KIF16B: variants seen among roughly 807,000 people sequenced by gnomAD.
KIF16B encodes kinesin family member 16B, also known as kinesin-like protein KIF16B.
KIF16B carries 98 observed loss-of-function variants against 156.3 expected under a neutral mutation model. The ratio of observed to expected loss-of-function variants is 0.63; its 90% CI spans 0.53 to 0.74. The LOEUF is 0.74. Among genes scored for constraint, KIF16B ranks in the 30% least tolerant of loss-of-function variants. The pLI is 0.00. For missense variants in KIF16B, 1,421 were observed against 1,606.5 expected, an observed-to-expected ratio of 0.88 and a Z score of 1.97; for synonymous variants, 564 against 583.7, an observed-to-expected ratio of 0.97 and a Z score of 0.49.
chr20:16,420,921 C>T (rs1019355001), intron 15 of KIF16B, among the ~76,000 whole-genome samples: 6 of 151,980 alleles, frequency 3.9e-5, no homozygotes, highest in Admixed American at 6.6e-5. Flanking sequence ...AGAGAGCTAA[C>T]GAGATGAAAT....
chr20:16,357,672 A>G (rs1394926026), intron 22 of KIF16B, among the ~76,000 whole-genome samples: 1 of 152,206 alleles, frequency 6.6e-6, no homozygotes, highest in African/African-American at 2.4e-5. Context: ...GAGAGTGTCA[A>G]CTTAGCTGTG....
chr20:16,313,757 G>T (rs987580542), intron 24 of KIF16B, among the ~76,000 whole-genome samples: 1 of 152,124 alleles, frequency 6.6e-6, no homozygotes, highest in African/African-American at 2.4e-5. Flanking sequence ...GTTGTTATGC[G>T]TAGCAATAGT....
chr20:16,341,544 T>G (rs902093537), intron 23 of KIF16B, among the ~76,000 whole-genome samples: 2 of 152,236 alleles, frequency 1.3e-5, no homozygotes, highest in Non-Finnish European at 2.9e-5. Context: ...GTAGTGATTT[T>G]TGCCTCTTAC....
chr20:16,295,541 T>C (rs1224441532), intron 25 of KIF16B, among the ~76,000 whole-genome samples: 4 of 150,142 alleles, frequency 2.7e-5, no homozygotes, highest in Non-Finnish European at 1.5e-5. Flanking sequence ...TATATTTATA[T>C]AATTATATCT....
chr20:16,317,036 C>T (rs1321052045), intron 24 of KIF16B, among the ~76,000 whole-genome samples: 1 of 152,198 alleles, frequency 6.6e-6, no homozygotes, highest in East Asian at 1.9e-4. Context: ...GACCTCTCTA[C>T]TCATGTCCCC....
At chr20:16,326,967 T>C (rs2063861737) in intron 24 of KIF16B, among the ~76,000 whole-genome samples, 1 of 150,696 alleles carries the variant, frequency 6.6e-6, no homozygotes, top group Non-Finnish European at 1.5e-5. Context: ...ATGTTATATA[T>C]ATATATATAA....
intron 20 of KIF16B, 35 bp from the exon 21 acceptor site, chr20:16,371,796 T>A (rs770833387): frequency 7.7e-5 from 108 of 1,400,622 alleles, no homozygotes; most frequent in Non-Finnish European, 1.1e-4. Flanking sequence ...GATCTGACAC[T>A]TCTAACCACA....
At chr20:16,369,217 T>A in intron 22 of KIF16B, 1 of 985,826 alleles carries the variant, frequency 1.0e-6, no homozygotes, top group Non-Finnish European at 1.2e-6. Context: ...GTCAGTGGCA[T>A]CTCTGGGCAG....
intron 6 of KIF16B, among the ~76,000 whole-genome samples, chr20:16,509,937 G>A (rs2068905111): frequency 6.6e-6 from 1 of 152,122 alleles, no homozygotes; most frequent in East Asian, 1.9e-4. Flanking sequence ...TTAACCCACG[G>A]ATTTTTATAG....
At chr20:16,477,267 T>C (rs902326023) in intron 12 of KIF16B, among the ~76,000 whole-genome samples, 2 of 149,450 alleles carry the variant, frequency 1.3e-5, no homozygotes, top group East Asian at 2.0e-4. Flanking sequence ...CTTCCTGGGC[T>C]CCTTGTTCTA....
chr20:16,463,334 C>T (rs1420155752), intron 12 of KIF16B, among the ~76,000 whole-genome samples: 1 of 152,170 alleles, frequency 6.6e-6, no homozygotes, highest in African/African-American at 2.4e-5. Context: ...ATGTTGAAGG[C>T]AGTTTCCTTA....
intron 25 of KIF16B, among the ~76,000 whole-genome samples, chr20:16,297,681 G>A (rs893289924): frequency 1.1e-4 from 16 of 143,554 alleles, no homozygotes; most frequent in Non-Finnish European, 1.8e-4. Flanking sequence ...GGGCGACAGA[G>A]TGAGACTCCA....
intron 12 of KIF16B, among the ~76,000 whole-genome samples, chr20:16,471,165 C>T (rs1017287262): frequency 4.6e-5 from 7 of 152,098 alleles, no homozygotes; most frequent in African/African-American, 1.2e-4. Flanking sequence ...GGAAACTTTC[C>T]GTCTCCATGA....
chr20:16,572,193 A>C (rs2071481228), intron 1 of KIF16B, among the ~76,000 whole-genome samples: 1 of 152,232 alleles, frequency 6.6e-6, no homozygotes, highest in Non-Finnish European at 1.5e-5. Flanking sequence ...TTACAAACCA[A>C]AATAATGATT....
intron 18 of KIF16B, 148 bp downstream of exon 18, chr20:16,381,546 A>G: frequency 7.1e-6 from 3 of 420,664 alleles, no homozygotes; most frequent in Non-Finnish European, 4.0e-6. Context: ...AAAAAAAAAG[A>G]CCTGCAGTCA....
chr20:16,497,821 G>C (rs2068497229), intron 10 of KIF16B, 143 bp from the exon 11 acceptor site: 2 of 606,410 alleles, frequency 3.3e-6, no homozygotes, highest in Admixed American at 3.2e-5. Flanking sequence ...AAAAAGTGTT[G>C]AATATCACCA....
At chr20:16,535,974 A>G (rs1316178582) in intron 1 of KIF16B, among the ~76,000 whole-genome samples, 5 of 152,216 alleles carry the variant, frequency 3.3e-5, no homozygotes, top group African/African-American at 1.2e-4. Context: ...CAATCCAGAA[A>G]TCTGACTACT....
chr20:16,398,209 C>T (rs1462381920), intron 17 of KIF16B, among the ~76,000 whole-genome samples: 1 of 152,104 alleles, frequency 6.6e-6, no homozygotes, highest in Non-Finnish European at 1.5e-5. Flanking sequence ...AGGGGGAAGG[C>T]GTCACAGACA....
chr20:16,563,787 A>C (rs1395548796), intron 1 of KIF16B, among the ~76,000 whole-genome samples: 6 of 152,232 alleles, frequency 3.9e-5, no homozygotes, highest in Non-Finnish European at 7.3e-5. Context: ...AGCACCTTTT[A>C]AACTACTAAT....
Sources: gnomAD v4.1 joint callset for allele counts (sites outside exome capture counted in the v4.1 genomes callset) on GRCh38, gnomAD v4.1.1 for gene constraint, MANE v1.5 for transcripts, NCBI Gene and HGNC (gene_info 2026-07-23, HGNC 2026-07-21) for gene names.